Variants in CSMD1 observed in about 807,000 individuals in gnomAD.
CSMD1 encodes CUB and Sushi multiple domains 1.
A neutral mutation model predicts 417.5 loss-of-function variants in CSMD1; 213 were observed. The observed-to-expected ratio is 0.51, with a 90% CI of 0.46 to 0.57. CSMD1 has a LOEUF of 0.57. CSMD1 is among the 20% of genes least tolerant of loss of function. CSMD1 has a pLI of 0.00. For synonymous variants in CSMD1, 2,862 were observed against 1,736.8 expected (o/e 1.65, Z -16.11); for missense variants, 6,923 against 4,529.7 (o/e 1.53, Z -15.17).
At chr8:4,905,160 T>A (rs950897818) in intron 1 of CSMD1, among the ~76,000 whole-genome samples, 1 of 152,120 alleles carries the variant, frequency 6.6e-6, no homozygotes, top group Admixed American at 6.5e-5. Flanking sequence ...CTGGGAGTAC[T>A]ATTCGAACAC....
intron 1 of CSMD1, among the ~76,000 whole-genome samples, chr8:4,865,119 A>C (rs1319488784): frequency 6.6e-6 from 1 of 151,708 alleles, no homozygotes; most frequent in African/African-American, 2.4e-5. Context: ...ATAGTGATAA[A>C]ATTCAAAGTT....
chr8:2,973,047 G>C, intron 57 of CSMD1, 70 bp downstream of exon 57: 2 of 1,447,882 alleles, frequency 1.4e-6, no homozygotes, highest in East Asian at 2.3e-5. Context: ...GTAGAATTTT[G>C]CCAGGCATTT....
intron 6 of CSMD1, among the ~76,000 whole-genome samples, chr8:3,743,224 T>C (rs1266695998): frequency 6.6e-6 from 1 of 152,242 alleles, no homozygotes; most frequent in Non-Finnish European, 1.5e-5. Context: ...CCTTTTTTTG[T>C]GGTTTTATTT....
At chr8:2,993,579 T>C (rs7014167) in intron 54 of CSMD1, among the ~76,000 whole-genome samples, 4,620 of 152,258 alleles carry the variant, frequency 0.03, 237 homozygotes, top group African/African-American at 0.1. Flanking sequence ...TCCATCTTTT[T>C]TTCATCAAAA....
chr8:4,019,181 C>T (rs1322233961), intron 4 of CSMD1, among the ~76,000 whole-genome samples: 1 of 152,138 alleles, frequency 6.6e-6, no homozygotes, highest in Non-Finnish European at 1.5e-5. Flanking sequence ...GCTCAACAGT[C>T]CAAGACAGGT....
chr8:3,878,465 G>C (rs1021717524), intron 5 of CSMD1, among the ~76,000 whole-genome samples: 5 of 152,022 alleles, frequency 3.3e-5, no homozygotes, highest in Non-Finnish European at 5.9e-5. Context: ...AACATGAACA[G>C]ACTCTTAAAT....
intron 26 of CSMD1, among the ~76,000 whole-genome samples, chr8:3,252,803 G>A (rs1457078096): frequency 1.3e-5 from 2 of 152,150 alleles, no homozygotes; most frequent in African/African-American, 4.8e-5. Flanking sequence ...GGGTGTATGT[G>A]TCCAGAAATT....
At chr8:4,459,904 C>T (rs1799706117) in intron 2 of CSMD1, among the ~76,000 whole-genome samples, 1 of 152,068 alleles carries the variant, frequency 6.6e-6, no homozygotes, top group Non-Finnish European at 1.5e-5. Flanking sequence ...AATTGCATGC[C>T]AAATAAACAA....
chr8:3,324,058 A>C (rs1175671621), intron 23 of CSMD1, among the ~76,000 whole-genome samples: 1 of 149,874 alleles, frequency 6.7e-6, no homozygotes, highest in African/African-American at 2.5e-5. Flanking sequence ...ATCATTGTTA[A>C]AATAGACACA....
chr8:3,504,960 G>T (rs539955203), intron 10 of CSMD1, among the ~76,000 whole-genome samples: 4 of 151,804 alleles, frequency 2.6e-5, no homozygotes, highest in African/African-American at 4.8e-5. Context: ...CAACAACAAA[G>T]ATTAACCAGT....
chr8:4,394,187 G>T (rs1563127504), intron 3 of CSMD1, among the ~76,000 whole-genome samples: 1 of 152,114 alleles, frequency 6.6e-6, no homozygotes, highest in Non-Finnish European at 1.5e-5. Flanking sequence ...TCTGTGTGTT[G>T]TATACTTCTG....
At chr8:4,168,154 C>T (rs866676681) in intron 3 of CSMD1, among the ~76,000 whole-genome samples, 3,455 of 144,142 alleles carry the variant, frequency 0.024, 83 homozygotes, top group African/African-American at 0.06. Context: ...TATACACACA[C>T]ACACACACAC....
chr8:4,074,558 A>G (rs2130790464), intron 3 of CSMD1, among the ~76,000 whole-genome samples: 1 of 152,276 alleles, frequency 6.6e-6, no homozygotes, highest in African/African-American at 2.4e-5. Context: ...TCCCAGTGGA[A>G]GTTAAAGGAT....
At chr8:4,595,337 G>A (rs550673072) in intron 2 of CSMD1, among the ~76,000 whole-genome samples, 4 of 152,110 alleles carry the variant, frequency 2.6e-5, no homozygotes, top group South Asian at 2.1e-4. Context: ...TAATCATGTC[G>A]ATTCAACAAT....
chr8:4,367,101 A>C (rs1584964878), intron 3 of CSMD1, among the ~76,000 whole-genome samples: 1 of 152,252 alleles, frequency 6.6e-6, no homozygotes, highest in South Asian at 2.1e-4. Context: ...TTAGAGACTT[A>C]TTCATAAATT....
chr8:4,555,185 C>T (rs1390662304), intron 2 of CSMD1, among the ~76,000 whole-genome samples: 1 of 152,074 alleles, frequency 6.6e-6, no homozygotes, highest in South Asian at 2.1e-4. Flanking sequence ...CTTCAGATGG[C>T]AGATTGGTAG....
chr8:3,055,416 G>A (rs1048949325), intron 49 of CSMD1, among the ~76,000 whole-genome samples: 2 of 152,046 alleles, frequency 1.3e-5, no homozygotes, highest in Non-Finnish European at 2.9e-5. Flanking sequence ...GTTGGCAATG[G>A]GTCAAAAGTA....
chr8:4,093,256 TA>T (rs35762992), intron 3 of CSMD1, among the ~76,000 whole-genome samples: 53,550 of 152,108 alleles, frequency 0.35, 10,192 homozygotes, highest in Non-Finnish European at 0.42. Context: ...CTAATTAAGC[TA>T]AAAAATCACA....
intron 31 of CSMD1, among the ~76,000 whole-genome samples, chr8:3,203,671 C>T (rs946125279): frequency 2.0e-5 from 3 of 152,118 alleles, no homozygotes; most frequent in African/African-American, 7.2e-5. Context: ...TCTCAAAGGC[C>T]ACCCTGAAAA....
Sources: gnomAD v4.1 joint callset for allele counts (sites outside exome capture counted in the v4.1 genomes callset) on GRCh38, gnomAD v4.1.1 for gene constraint, MANE v1.5 for transcripts, NCBI Gene and HGNC (gene_info 2026-07-23, HGNC 2026-07-21) for gene names.